The following TM9SF3 variants were observed in gnomAD, a reference collection of about 807,000 sequenced individuals.
TM9SF3 encodes transmembrane 9 superfamily member 3.
TM9SF3 carries 14 observed loss-of-function variants against 78.6 expected under a neutral mutation model. That is an observed-to-expected ratio of 0.18 (90% CI 0.12 to 0.28). TM9SF3 has a LOEUF of 0.28. TM9SF3 is among the 10% of genes least tolerant of loss of function. TM9SF3 has a pLI of 1.00. For synonymous variants in TM9SF3, 231 were observed against 241.7 expected (o/e 0.96, Z 0.41); for missense variants, 496 against 721.9 (o/e 0.69, Z 3.59).
At chr10:96,559,175 A>C (rs1484906919) in intron 5 of TM9SF3, among the ~76,000 whole-genome samples, 4 of 152,136 alleles carry the variant, frequency 2.6e-5, no homozygotes, top group Non-Finnish European at 5.9e-5. Flanking sequence ...TGATGCATAC[A>C]TTCTGTTCTT....
At chr10:96,552,412 A>G (rs1374615100) in intron 6 of TM9SF3, among the ~76,000 whole-genome samples, 1 of 152,178 alleles carries the variant, frequency 6.6e-6, no homozygotes, top group Non-Finnish European at 1.5e-5. Context: ...TCGCACCACT[A>G]CACTCCAGCC....
At chr10:96,551,164 T>C (rs1848164801) in intron 7 of TM9SF3, 81 bp downstream of exon 7, 1 of 1,160,688 alleles carries the variant, frequency 8.6e-7, no homozygotes, top group African/African-American at 1.6e-5. Flanking sequence ...ACGATTTAAT[T>C]ATGATTGACT....
intron 1 of TM9SF3, among the ~76,000 whole-genome samples, chr10:96,584,641 C>G (rs1157726495): frequency 4.6e-5 from 7 of 152,104 alleles, no homozygotes; most frequent in Non-Finnish European, 1.0e-4. Flanking sequence ...ATGGCGAAAT[C>G]CCCTTTCTAC....
chr10:96,576,533 T>C (rs1486046984), intron 2 of TM9SF3, 101 bp downstream of exon 2: 2 of 1,136,156 alleles, frequency 1.8e-6, no homozygotes, highest in Non-Finnish European at 2.5e-6. Context: ...AACAGCTCCA[T>C]ACAACAAAGA....
At chr10:96,557,821 C>T (rs1272927040) in intron 5 of TM9SF3, among the ~76,000 whole-genome samples, 1 of 152,196 alleles carries the variant, frequency 6.6e-6, no homozygotes, top group African/African-American at 2.4e-5. Context: ...TAATATAAAA[C>T]TGCAACTTAC....
intron 5 of TM9SF3, among the ~76,000 whole-genome samples, chr10:96,558,317 G>C (rs1037172896): frequency 6.6e-6 from 1 of 152,034 alleles, no homozygotes; most frequent in East Asian, 1.9e-4. Context: ...AAAAATTTTA[G>C]CTCCAAGAGT....
rs147236416 is a variant in TM9SF3, at chr10:96,538,432, A to C, written c.1186-5242T>G. On this transcript the variant is annotated intron_variant, in intron 9 of 14. Transcript: ENST00000371142. ...TAAGAGCTAAAACTATAAAATTTCT[A>C]GAAGACAACATATAAGGAAAGCTTA... 8.6e-3 allele frequency among the ~76,000 whole-genome samples: 1,305 copies of C among 152,344 alleles called. 22 individuals carry two copies. The highest frequency in any genetic ancestry group is 0.03 in the African/African-American group (1,241 of 41,588).
chr10:96,552,793 C>A (rs1481239039), intron 6 of TM9SF3, 135 bp downstream of exon 6: 4 of 827,546 alleles, frequency 4.8e-6, no homozygotes, highest in Non-Finnish European at 6.6e-6. Flanking sequence ...CATTTTACAT[C>A]TTTCTTAACT....
intron 11 of TM9SF3, among the ~76,000 whole-genome samples, chr10:96,529,443 A>G (rs1201090973): frequency 3.3e-5 from 5 of 152,160 alleles, no homozygotes; most frequent in Non-Finnish European, 7.4e-5. Context: ...TTAAAAAGTT[A>G]TAAAATTCGA....
At chr10:96,524,579 G>A (rs1161696933) in intron 14 of TM9SF3, among the ~76,000 whole-genome samples, 2 of 151,674 alleles carry the variant, frequency 1.3e-5, no homozygotes, top group Non-Finnish European at 2.9e-5. Context: ...AAACTTACAA[G>A]GGCATGACTT....
intron 5 of TM9SF3, among the ~76,000 whole-genome samples, chr10:96,558,941 C>A (rs1848269722): frequency 6.6e-6 from 1 of 152,158 alleles, no homozygotes; most frequent in South Asian, 2.1e-4. Flanking sequence ...GAGGAGGAAA[C>A]CACCAAAACA....
chr10:96,520,471 A>G lies in TM9SF3; in HGVS notation c.*1792T>C, dbSNP rs1220513681. ...ATCAATAGATAGGTACATATTTTGT[A>G]ATGAAAACATCTTGTGTAACTATTA... On this transcript the variant is annotated 3_prime_UTR_variant, in exon 15 of 15. Transcript: ENST00000371142. The G allele has an allele frequency of 6.3e-6, 1 of 159,176 alleles. No individual in the cohort carries two copies. The highest frequency in any genetic ancestry group is 2.4e-5 in the African/African-American group (1 of 41,776). The allele number at this position is 159,176 out of a possible 1,614,324, so 9.9% of individuals were successfully genotyped here. A position where few individuals can be genotyped will look rare whatever the true frequency, so the allele number is the denominator to read the frequency against.
In TM9SF3 at chr10:96,521,573, G is replaced by C. The variant is rs570306343; in HGVS notation, c.*690C>G. ...GAGAGTACACTTCTGTCTTCAAACT[G>C]TATCTTCTTTGGATGGAATTAAGAT... On this transcript the variant is annotated 3_prime_UTR_variant, in exon 15 of 15. Coordinates refer to ENST00000371142, the MANE Select transcript of TM9SF3 (RefSeq NM_020123.4). The C allele has an allele frequency of 2.0e-5, 3 of 152,306 alleles. No homozygotes were observed. The highest frequency in any genetic ancestry group is 2.1e-4 in the South Asian group (1 of 4,826). The allele number at this position is 152,306 out of a possible 1,614,324, so 9.4% of individuals were successfully genotyped here. A position where few individuals can be genotyped will look rare whatever the true frequency, so the allele number is the denominator to read the frequency against.
chr10:96,551,116 G>T, intron 7 of TM9SF3, 129 bp downstream of exon 7: 1 of 814,742 alleles, frequency 1.2e-6, no homozygotes, highest in Non-Finnish European at 1.9e-6. Flanking sequence ...CTGCATTTAT[G>T]ATATTTATCA....
chr10:96,520,944 G>A lies in TM9SF3; in HGVS notation c.*1319C>T. The A allele has an allele frequency of 2.5e-6, 1 of 397,206 alleles. No homozygotes were observed. Among genetic ancestry groups the A allele is most frequent in the East Asian group, 3.6e-5 (1 of 28,018 alleles). The allele number at this position is 397,206 out of a possible 1,614,324, so 24.6% of individuals were successfully genotyped here. ...GGTAATTTTGCCTTCTGGACAGAAA[G>A]ATATCTTCAAATTGCAAACACATCT... On this transcript the variant is annotated 3_prime_UTR_variant, in exon 15 of 15. Coordinates refer to ENST00000371142, the MANE Select transcript of TM9SF3 (RefSeq NM_020123.4).
At chr10:96,539,832 C>G (rs1848001675) in intron 9 of TM9SF3, among the ~76,000 whole-genome samples, 1 of 151,980 alleles carries the variant, frequency 6.6e-6, no homozygotes, top group South Asian at 2.1e-4. Context: ...AAAAAAAGAA[C>G]AAAAACCTAT....
At position 96,544,255 on chromosome 10, in the gene TM9SF3, AATT is replaced by A. The variant is rs1266669421; in HGVS notation, c.1055-52_1055-50del. On this transcript the variant is annotated intron_variant, in intron 8 of 14. Transcript: ENST00000371142. ...AGTTTAATATAATTATTTAGTACGA[AATT>A]ATTTGTTTGAAATTTTAATATAAAG... is the stretch of plus-strand genomic sequence containing the variant. 3.5e-6 allele frequency: 5 copies of A among 1,440,920 alleles called. No homozygotes were observed. The African/African-American group carries it at 5.8e-5, about 17-fold the overall frequency. The allele number at this position is 1,440,920 out of a possible 1,614,324, so 89.3% of individuals were successfully genotyped here.
In TM9SF3 at chr10:96,586,876, T is replaced by C; in HGVS notation, c.-41A>G. 1.4e-5 allele frequency: 14 copies of C among 1,012,018 alleles called. No homozygotes were observed. The highest frequency in any genetic ancestry group is 1.7e-5 in the Non-Finnish European group (14 of 809,326). The allele number at this position is 1,012,018 out of a possible 1,614,324, so 62.7% of individuals were successfully genotyped here. ...GGCCCGGAGCCGGCTCACCGACTCC[T>C]CCTCCCGCCGCCGCCTCCTCCGCCG... On this transcript the variant is annotated 5_prime_UTR_variant, in exon 1 of 15. Coordinates refer to ENST00000371142, the MANE Select transcript of TM9SF3 (RefSeq NM_020123.4).
chr10:96,545,423 C>A (rs1488882654), intron 8 of TM9SF3, among the ~76,000 whole-genome samples: 1 of 152,220 alleles, frequency 6.6e-6, no homozygotes, highest in Non-Finnish European at 1.5e-5. Context: ...TCTCCTGTTT[C>A]ATTTCTTTTC....
Sources: allele counts gnomAD v4.1 joint callset (sites outside exome capture counted in the v4.1 genomes callset), GRCh38; gene constraint gnomAD v4.1.1; transcripts MANE v1.5; gene names NCBI Gene and HGNC (gene_info 2026-07-23, HGNC 2026-07-21).